The following JARID2 variants were observed in gnomAD, a reference collection of about 807,000 sequenced individuals.
The protein encoded by JARID2 is protein Jumonji.
In JARID2, 21 loss-of-function variants were observed where a neutral mutation model predicts 125.6. That is an observed-to-expected ratio of 0.17 (90% confidence interval 0.12 to 0.24). JARID2 has a LOEUF of 0.24. Among genes scored for constraint, JARID2 ranks in the 10% least tolerant of loss-of-function variants. The pLI is 1.00. For missense variants in JARID2, 1,303 were observed against 1,639.6 expected, an observed-to-expected ratio of 0.79 and a Z score of 3.55; for synonymous variants, 736 against 661.6, an observed-to-expected ratio of 1.11 and a Z score of -1.73.
chr6:15,254,090 C>T (rs1017599929), intron 1 of JARID2, among the ~76,000 whole-genome samples: 3 of 152,118 alleles, frequency 2.0e-5, no homozygotes, highest in Non-Finnish European at 2.9e-5. Context: ...CAGAAGTGTC[C>T]GTCTTCCCTG....
intron 3 of JARID2, among the ~76,000 whole-genome samples, chr6:15,443,872 ACTC>A (rs1767550383): frequency 6.6e-6 from 1 of 152,070 alleles, no homozygotes; most frequent in Admixed American, 6.5e-5. Context: ...TGACACCACT[ACTC>A]TTTTGCTTGT....
At chr6:15,306,439 A>T (rs1761831119) in intron 1 of JARID2, among the ~76,000 whole-genome samples, 1 of 144,810 alleles carries the variant, frequency 6.9e-6, no homozygotes. Flanking sequence ...GGTTCAAGCG[A>T]TTCTCCTGCC....
intron 8 of JARID2, among the ~76,000 whole-genome samples, chr6:15,501,854 T>C (rs1398991582): frequency 6.6e-6 from 1 of 152,190 alleles, no homozygotes; most frequent in East Asian, 1.9e-4. Flanking sequence ...GATAAGTAAC[T>C]GGGCTGCATG....
At chr6:15,311,141 A>G (rs558392550) in intron 1 of JARID2, among the ~76,000 whole-genome samples, 1 of 152,252 alleles carries the variant, frequency 6.6e-6, no homozygotes, top group East Asian at 1.9e-4. Context: ...GGGGCTTGTG[A>G]CAGTAGGAGT....
chr6:15,499,978 T>C (rs1770653494), intron 7 of JARID2, among the ~76,000 whole-genome samples: 1 of 152,194 alleles, frequency 6.6e-6, no homozygotes, highest in Non-Finnish European at 1.5e-5. Flanking sequence ...CTTTACCTTT[T>C]ATTACTTAAA....
chr6:15,479,780 C>G (rs1437438198), intron 5 of JARID2, among the ~76,000 whole-genome samples: 2 of 152,162 alleles, frequency 1.3e-5, no homozygotes, highest in African/African-American at 4.8e-5. Context: ...GGGGGTTTTG[C>G]TCACCTAAGC....
At chr6:15,415,946 G>C (rs1050103965) in intron 3 of JARID2, among the ~76,000 whole-genome samples, 1 of 151,798 alleles carries the variant, frequency 6.6e-6, no homozygotes, top group Non-Finnish European at 1.5e-5. Context: ...TGGCTGCCGG[G>C]CGGAGGGTCT....
intron 1 of JARID2, among the ~76,000 whole-genome samples, chr6:15,322,552 G>A (rs975896220): frequency 1.3e-5 from 2 of 152,208 alleles, no homozygotes. Flanking sequence ...TACCCTGCAA[G>A]GATTTAATGA....
chr6:15,371,146 C>T (rs537373363), intron 1 of JARID2, among the ~76,000 whole-genome samples: 1 of 152,186 alleles, frequency 6.6e-6, no homozygotes, highest in African/African-American at 2.4e-5. Context: ...GTGTCAGTAA[C>T]TGAACCTTAA....
rs528107266 is a variant in JARID2, at chr6:15,309,668, CGT to C, written c.45+63099_45+63100del. Among the ~76,000 whole-genome samples the C allele has an allele frequency of 4.0e-3, 602 of 149,390 alleles. 2 individuals are homozygous for C. The highest frequency in any genetic ancestry group is 0.024 in the Middle Eastern group (7 of 290). On this transcript the variant is annotated intron_variant, in intron 1 of 17. Transcript: ENST00000341776. ...AATATATAAAGCATACATATATAAA[CGT>C]GTGTGTGTGTGTGTATATATATATA...
Position 15,256,102 on chromosome 6 carries a change from A to G in JARID2, c.45+9518A>G, listed in dbSNP as rs575784842. On this transcript the variant is annotated intron_variant, in intron 1 of 17. Coordinates refer to ENST00000341776, the MANE Select transcript of JARID2 (RefSeq NM_004973.4). ...AATTTTTGATGTGAAAGCACTTTGT[A>G]AACTGCATACTGCTGCACAAATGCT... Among the ~76,000 whole-genome samples the G allele has an allele frequency of 5.3e-5, 8 of 152,312 alleles. No individual in the cohort carries two copies. In the South Asian group the frequency reaches 1.7e-3, roughly 32 times the overall value.
chr6:15,278,624 A>G (rs1374954084), intron 1 of JARID2, among the ~76,000 whole-genome samples: 1 of 151,716 alleles, frequency 6.6e-6, no homozygotes, highest in Non-Finnish European at 1.5e-5. Context: ...GAGCTCTGTA[A>G]TAGTGTAGCT....
At chr6:15,423,779 C>G (rs150865607) in intron 3 of JARID2, among the ~76,000 whole-genome samples, 243 of 152,326 alleles carry the variant, frequency 1.6e-3, no homozygotes, top group African/African-American at 5.5e-3. Context: ...TTGCTGGCCT[C>G]TGCTTCCCTT....
intron 11 of JARID2, among the ~76,000 whole-genome samples, chr6:15,507,988 C>T (rs1309640020): frequency 6.6e-6 from 1 of 152,218 alleles, no homozygotes; most frequent in African/African-American, 2.4e-5. Flanking sequence ...CTGCCTCTGG[C>T]CCTGATGGGG....
At chr6:15,404,859 T>C (rs1424165854) in intron 2 of JARID2, among the ~76,000 whole-genome samples, 1 of 152,246 alleles carries the variant, frequency 6.6e-6, no homozygotes, top group East Asian at 1.9e-4. Context: ...TTTTGTGGAA[T>C]AGAGCCATTG....
At chr6:15,263,678 C>T (rs1050189215) in intron 1 of JARID2, among the ~76,000 whole-genome samples, 15 of 151,432 alleles carry the variant, frequency 9.9e-5, no homozygotes, top group Admixed American at 6.6e-5. Context: ...TTGCAACCTC[C>T]GCCTTCCGGA....
Position 15,487,380 on chromosome 6 carries a change from C to T in JARID2, c.744C>T (p.Pro248=), listed in dbSNP as rs147119452. The change falls in exon 6 of 18, where the codon CCC becomes CCT. Residue 248 remains proline (P), a synonymous_variant. Transcript: ENST00000341776. ...VQKHKSKEAT[P]AKEKHSDHRA... is the part of the protein sequence containing the mutation. ...AACACAAAAGCAAAGAGGCCACTCC[C>T]GCAAAGGAGAAGCACAGCGATCACC... 20 of 1,614,216 alleles carry T rather than the reference C, an allele frequency of 1.2e-5. No individual in the cohort carries two copies. The African/African-American group carries it at 1.3e-4, about 11-fold the overall frequency.
chr6:15,506,982 CAT>C (rs1256889611), intron 9 of JARID2, among the ~76,000 whole-genome samples, 152 bp from the exon 10 acceptor site: 1 of 152,222 alleles, frequency 6.6e-6, no homozygotes, highest in Non-Finnish European at 1.5e-5. Context: ...TTGCTTTCTG[CAT>C]TAGCGTCCTG....
intron 1 of JARID2, chr6:15,369,369 A>G: frequency 2.4e-6 from 1 of 411,564 alleles, no homozygotes; most frequent in Non-Finnish European, 4.9e-6. Context: ...TCTTTTTGAT[A>G]AGAAATTCTA....
Sources: gnomAD v4.1 joint callset for allele counts (sites outside exome capture counted in the v4.1 genomes callset) on GRCh38, gnomAD v4.1.1 for gene constraint, MANE v1.5 for transcripts, NCBI Gene and HGNC (gene_info 2026-07-23, HGNC 2026-07-21) for gene names.